The following WDPCP variants were observed in gnomAD, a reference collection of about 807,000 sequenced individuals.
WDPCP encodes the protein WD repeat-containing and planar cell polarity effector protein fritz homolog.
In WDPCP, 71 loss-of-function variants were observed where a neutral mutation model predicts 93.1. The observed-to-expected ratio is 0.76, with a 90% CI of 0.63 to 0.93. The LOEUF (loss-of-function observed/expected upper bound fraction) is 0.93. WDPCP is among the 40% of genes least tolerant of loss of function. The pLI, the probability that WDPCP is intolerant of heterozygous loss-of-function variation, is 0.00. For missense variants in WDPCP, 844 were observed against 887.4 expected (o/e 0.95, Z 0.62); for synonymous variants, 315 against 315.0 (o/e 1.00, Z 0.00).
intron 3 of WDPCP, among the ~76,000 whole-genome samples, chr2:63,617,835 T>C (rs1048537708): frequency 3.3e-5 from 5 of 152,210 alleles, no homozygotes; most frequent in African/African-American, 1.2e-4. Flanking sequence ...ATAATCAGCA[T>C]GCCAAAGCAA....
chr2:63,565,744 A>C (rs1427255060), intron 1 of WDPCP, among the ~76,000 whole-genome samples: 2 of 152,204 alleles, frequency 1.3e-5, no homozygotes, highest in African/African-American at 4.8e-5. Context: ...TATATAACTA[A>C]AGAGAAAAGT....
upstream of WDPCP, chr2:63,593,539 G>T (rs150711860): frequency 1.3e-4 from 60 of 471,036 alleles, no homozygotes; most frequent in African/African-American, 1.2e-3. Flanking sequence ...TCTCAGAGAC[G>T]TGACTCTCAT....
chr2:63,534,994 A>G (rs1466873048), intron 1 of WDPCP, among the ~76,000 whole-genome samples: 1 of 152,236 alleles, frequency 6.6e-6, no homozygotes, highest in Non-Finnish European at 1.5e-5. Flanking sequence ...CCTTAAGCTG[A>G]TAAGCAACTT....
At chr2:63,430,743 G>A (rs997460218) in intron 9 of WDPCP, among the ~76,000 whole-genome samples, 5 of 152,156 alleles carry the variant, frequency 3.3e-5, no homozygotes, top group Non-Finnish European at 5.9e-5. Context: ...CTAGCTGGGC[G>A]TGGTGGTGCA....
chr2:63,600,690 A>G (rs2106618010), intron 3 of WDPCP, among the ~76,000 whole-genome samples: 1 of 152,288 alleles, frequency 6.6e-6, no homozygotes, highest in Non-Finnish European at 1.5e-5. Flanking sequence ...GGGTTGTTGG[A>G]TAACAACCCT....
chr2:63,456,255 A>G (rs1248390854), intron 6 of WDPCP, among the ~76,000 whole-genome samples: 2 of 152,118 alleles, frequency 1.3e-5, no homozygotes, highest in African/African-American at 4.8e-5. Context: ...CATCACTACT[A>G]AAAATACAAA....
At chr2:63,682,171 C>T (rs1575746365) in intron 2 of WDPCP, among the ~76,000 whole-genome samples, 1 of 152,202 alleles carries the variant, frequency 6.6e-6, no homozygotes, top group African/African-American at 2.4e-5. Context: ...AAAACATGAC[C>T]TCACCAAATG....
In WDPCP at chr2:63,723,913, G is replaced by C. The variant is rs1295230749; in HGVS notation, n.309-73075C>G. On this transcript the variant is annotated intron_variant and non_coding_transcript_variant, in intron 2 of 4. Transcript: ENST00000467687. ...GTATTACACAACTCTTGAAAAATCT[G>C]TACAGAGGGGCAACTCATCTTGAAC... Among the ~76,000 whole-genome samples the C allele has an allele frequency of 3.3e-5, 5 of 152,258 alleles. No individual in the cohort carries two copies. The South Asian group carries it at 6.2e-4, about 19-fold the overall frequency.
rs149115649 is a variant in WDPCP, at chr2:63,767,731, T to G, written n.308+45891A>C. Among the ~76,000 whole-genome samples the G allele has an allele frequency of 4.1e-3, 624 of 152,240 alleles. 3 individuals are homozygous for G. The highest frequency in any genetic ancestry group is 0.014 in the African/African-American group (584 of 41,576). ...AGTTTCAAGAATTCTTTATGTATTC[T>G]AGATAGAAGTCCTTTATTTGATATG... On this transcript the variant is annotated intron_variant and non_coding_transcript_variant, in intron 2 of 4. Transcript: ENST00000467687.
At chr2:63,492,797 T>A (rs984750858) in intron 2 of WDPCP, 59 bp downstream of exon 2, 48 of 1,491,598 alleles carry the variant, frequency 3.2e-5, no homozygotes, top group Non-Finnish European at 4.2e-5. Flanking sequence ...TTGCTAGTAC[T>A]TATTTATAAT....
chr2:63,453,307 A>AG (rs1205378553), intron 6 of WDPCP, among the ~76,000 whole-genome samples: 2 of 152,240 alleles, frequency 1.3e-5, no homozygotes, highest in African/African-American at 4.8e-5. Context: ...ACTTCTCAAA[A>AG]GAAGACATTT....
chr2:63,328,636 G>A (rs1332159640), intron 12 of WDPCP, among the ~76,000 whole-genome samples: 4 of 152,200 alleles, frequency 2.6e-5, no homozygotes, highest in African/African-American at 9.7e-5. Context: ...TGAAGTCAGT[G>A]AGACCAAGAA....
rs1357302129 is a variant in WDPCP at position 63,817,004 on chromosome 2, C to T, written n.223-3297G>A. Among the ~76,000 whole-genome samples the T allele has an allele frequency of 8.5e-5, 13 of 152,080 alleles. 1 individual carries two copies. In the East Asian group the frequency reaches 2.1e-3, roughly 25 times the overall value. On this transcript the variant is annotated intron_variant and non_coding_transcript_variant, in intron 1 of 4. Transcript: ENST00000467687. Reference sequence around the variant, plus strand: ...GACTGATGGGAAAGAGGCATGAAAGCAATTTCTGGGGCAATGGAAATATTC... The same window carrying T: ...GACTGATGGGAAAGAGGCATGAAAGTAATTTCTGGGGCAATGGAAATATTC...
Position 63,597,460 on chromosome 2 carries a change from G to A in WDPCP, n.488+53199C>T, listed in dbSNP as rs376834475. The stretch of plus-strand genomic sequence containing the variant: ...AAGACCTGGATGTGGCCATTCTTGT[G>A]GGCTCCATGCCAAGAAGGGAAGGCA... On this transcript the variant is annotated intron_variant and non_coding_transcript_variant, in intron 3 of 4. Transcript: ENST00000467687. 2.4e-5 allele frequency: 36 copies of A among 1,506,764 alleles called. No homozygotes were observed. The African/African-American group carries it at 4.8e-4, about 20-fold the overall frequency. The allele number at this position is 1,506,764 out of a possible 1,614,324, so 93.3% of individuals were successfully genotyped here. A position where few individuals can be genotyped will look rare whatever the true frequency, so the allele number is the denominator to read the frequency against.
At chr2:63,244,135 G>A (rs1680083281) in intron 14 of WDPCP, among the ~76,000 whole-genome samples, 1 of 151,980 alleles carries the variant, frequency 6.6e-6, no homozygotes, top group Non-Finnish European at 1.5e-5. Context: ...GAATTATTTT[G>A]GGCATTAAGG....
intron 14 of WDPCP, among the ~76,000 whole-genome samples, chr2:63,222,811 C>A (rs1245177257): frequency 6.6e-6 from 1 of 151,986 alleles, no homozygotes; most frequent in African/African-American, 2.4e-5. Flanking sequence ...AAATTATTTT[C>A]CATTTATCTC....
At chr2:63,412,049 T>C (rs1695061297) in intron 9 of WDPCP, among the ~76,000 whole-genome samples, 2 of 152,044 alleles carry the variant, frequency 1.3e-5, no homozygotes, top group African/African-American at 4.8e-5. Context: ...ATCACCCTAA[T>C]ACCAAAACCA....
intron 1 of WDPCP, among the ~76,000 whole-genome samples, chr2:63,510,139 T>TGAAATTTTCTTTTCA (rs1702136087): frequency 6.6e-6 from 1 of 152,074 alleles, no homozygotes; most frequent in Non-Finnish European, 1.5e-5. Flanking sequence ...AAAAGAAAAT[T>TGAAATTTTCTTTTCA]TCAGGCCAAT....
intron 1 of WDPCP, among the ~76,000 whole-genome samples, chr2:63,494,055 C>T (rs1701056023): frequency 6.6e-6 from 1 of 152,122 alleles, no homozygotes; most frequent in African/African-American, 2.4e-5. Flanking sequence ...GCCCTTCATC[C>T]TTACATTTAT....
Sources: gnomAD v4.1 joint callset for allele counts (sites outside exome capture counted in the v4.1 genomes callset) on GRCh38, gnomAD v4.1.1 for gene constraint, MANE v1.5 for transcripts, NCBI Gene and HGNC (gene_info 2026-07-23, HGNC 2026-07-21) for gene names.